ADNP: variants seen among roughly 807,000 people sequenced by gnomAD.
The protein encoded by ADNP is activity-dependent neuroprotector homeobox protein.
In ADNP, 4 loss-of-function variants were observed where a neutral mutation model predicts 84.9. The observed-to-expected ratio is 0.05, with a 90% CI of 0.02 to 0.11. The LOEUF (loss-of-function observed/expected upper bound fraction) is 0.11. Among genes scored for constraint, ADNP ranks in the 10% least tolerant of loss-of-function variants. The pLI, the probability that ADNP is intolerant of heterozygous loss-of-function variation, is 1.00. For synonymous variants in ADNP, 554 were observed against 468.1 expected, an observed-to-expected ratio of 1.18 and a Z score of -2.37; for missense variants, 1,132 against 1,326.0, an observed-to-expected ratio of 0.85 and a Z score of 2.27.
At chr20:50,909,137 G>A (rs959496982) in intron 2 of ADNP, among the ~76,000 whole-genome samples, 39 of 151,144 alleles carry the variant, frequency 2.6e-4, no homozygotes, top group African/African-American at 8.0e-4. Context: ...TTGGGAGGCC[G>A]AGGCGGGCGG....
chr20:50,902,640 A>C (rs1391810895), intron 4 of ADNP, among the ~76,000 whole-genome samples: 1 of 152,346 alleles, frequency 6.6e-6, no homozygotes, highest in Non-Finnish European at 1.5e-5. Context: ...TTATACTCTC[A>C]TGTAAAAATT....
intron 5 of ADNP, 94 bp downstream of exon 5, chr20:50,901,923 G>A: frequency 2.1e-6 from 2 of 930,548 alleles, no homozygotes; most frequent in Non-Finnish European, 1.7e-6. Flanking sequence ...TTTGGCACTT[G>A]CCCGCAATCA....
chr20:50,896,326 A>G (rs1034921517), intron 5 of ADNP, among the ~76,000 whole-genome samples: 1 of 151,372 alleles, frequency 6.6e-6, no homozygotes, highest in Non-Finnish European at 1.5e-5. Context: ...AATTTGTTTT[A>G]AAAAAAAACT....
At chr20:50,901,937 C>T in intron 5 of ADNP, 80 bp downstream of exon 5, 3 of 1,054,074 alleles carry the variant, frequency 2.8e-6, no homozygotes, top group East Asian at 2.4e-5. Context: ...GCAATCACTG[C>T]ACCGCTATAA....
chr20:50,891,636 C>T lies in ADNP; in HGVS notation c.3078G>A (p.Leu1026=), dbSNP rs1374208490. The change falls in exon 6 of 6, where the codon TTG becomes TTA. Residue 1026 remains leucine, a synonymous_variant. Transcript: ENST00000621696. ...KATMQGDREQ[L]KWKNSSYGKV... ...TTCCATAGGAACTATTCTTCCATTTCAACTGCTCTCTGTCACCTTGCATGG... is the reference window on the plus strand; with the variant it reads ...TTCCATAGGAACTATTCTTCCATTTTAACTGCTCTCTGTCACCTTGCATGG... 6.2e-7 allele frequency: 1 copy of T among 1,614,204 alleles called. No homozygotes were observed.
chr20:50,899,893 G>A (rs1388280016), intron 5 of ADNP, among the ~76,000 whole-genome samples: 14 of 143,992 alleles, frequency 9.7e-5, no homozygotes, highest in South Asian at 2.2e-4. Flanking sequence ...TTTTTGGAGC[G>A]GTAGCAAGAT....
Position 50,891,549 on chromosome 20 carries a change from C to G in ADNP, c.3165G>C (p.Glu1055Asp). ...SQWKNASEND[E>D]RLSNPQIEWQ... The stretch of plus-strand genomic sequence containing the variant: ...ACTCAATCTGGGGGTTAGATAAGCG[C>G]TCATCATTCTCAGATGCATTCTTCC... The change falls in exon 6 of 6, where the codon GAG (glutamate) becomes GAC (aspartate). Residue 1055 changes from glutamate to aspartate, a missense_variant. Around this residue, in one of 10 missense-constraint regions of ADNP, gnomAD observed 381 missense variants for 319.9 expected, o/e 1.19. Transcript: ENST00000621696. The G allele has an allele frequency of 1.2e-6, 2 of 1,612,158 alleles. No homozygotes were observed. Among genetic ancestry groups the G allele is most frequent in the Non-Finnish European group, 8.5e-7 (1 of 1,180,040 alleles).
intron 2 of ADNP, chr20:50,909,671 C>T (rs1489218145): frequency 6.6e-6 from 1 of 152,248 alleles, no homozygotes; most frequent in Non-Finnish European, 1.5e-5. Context: ...GGTTTAGACA[C>T]CTGTTTTTGC....
chr20:50,891,032 G>A lies in ADNP; in HGVS notation c.*373C>T, dbSNP rs1293812178. 1.9e-6 allele frequency: 2 copies of A among 1,037,748 alleles called. No homozygotes were observed. The highest frequency in any genetic ancestry group is 8.5e-5 in the East Asian group (1 of 11,776). 64.3% of individuals were successfully genotyped at this position (1,037,748 alleles called of 1,614,324 possible). A position where few individuals can be genotyped will look rare whatever the true frequency, so the allele number is the denominator to read the frequency against. Reference sequence around the variant, plus strand: ...ACTATACACATTAGACTGGTAGCTTGTATGTTGGCCCTACACTACCATGTG... The same window carrying A: ...ACTATACACATTAGACTGGTAGCTTATATGTTGGCCCTACACTACCATGTG... On this transcript the variant is annotated 3_prime_UTR_variant, in exon 6 of 6. Coordinates refer to ENST00000621696, the MANE Select transcript of ADNP (RefSeq NM_001282531.3).
intron 2 of ADNP, among the ~76,000 whole-genome samples, chr20:50,916,481 T>C (rs1165195267): frequency 1.3e-5 from 2 of 152,162 alleles, no homozygotes; most frequent in Admixed American, 6.5e-5. Flanking sequence ...CCAGGATCAG[T>C]TCTTCTCACC....
At chr20:50,908,782 G>GAA (rs892325248) in intron 2 of ADNP, among the ~76,000 whole-genome samples, 2 of 148,966 alleles carry the variant, frequency 1.3e-5, no homozygotes, top group Non-Finnish European at 3.0e-5. Context: ...TGCAAAAAAA[G>GAA]AAAAAAAAAG....
chr20:50,919,654 TCA>T (rs149531289), intron 2 of ADNP, among the ~76,000 whole-genome samples: 5,398 of 152,222 alleles, frequency 0.035, 217 homozygotes, highest in African/African-American at 0.085. Flanking sequence ...CATGTTTAGT[TCA>T]TTCTCAGCAG....
chr20:50,911,421 C>A (rs1868313189), intron 2 of ADNP, among the ~76,000 whole-genome samples: 1 of 152,114 alleles, frequency 6.6e-6, no homozygotes, highest in Non-Finnish European at 1.5e-5. Flanking sequence ...CTATGGCAAT[C>A]CAATTTTCCT....
At chr20:50,919,274 A>G (rs1052025822) in intron 2 of ADNP, among the ~76,000 whole-genome samples, 3 of 112,632 alleles carry the variant, frequency 2.7e-5, no homozygotes, top group Admixed American at 2.6e-4. Context: ...AGCCTGAAAA[A>G]ATACATATAT....
intron 2 of ADNP, among the ~76,000 whole-genome samples, chr20:50,906,232 A>G (rs553687606): frequency 1.1e-3 from 169 of 152,242 alleles, no homozygotes; most frequent in Admixed American, 3.3e-3. Context: ...CAAAAAACAC[A>G]TACAGTTACT....
intron 5 of ADNP, among the ~76,000 whole-genome samples, chr20:50,900,746 G>C (rs141450198): frequency 4.6e-5 from 7 of 152,174 alleles, no homozygotes; most frequent in Admixed American, 4.6e-4. Context: ...TCCTCATTAT[G>C]GATAAATTTT....
At chr20:50,921,831 T>G (rs1258392413) in intron 2 of ADNP, among the ~76,000 whole-genome samples, 1 of 152,218 alleles carries the variant, frequency 6.6e-6, no homozygotes, top group Non-Finnish European at 1.5e-5. Flanking sequence ...GATGCCTCGG[T>G]ACTTAAACAA....
rs781522818 is a variant in ADNP at position 50,893,636 on chromosome 20, G to C, written c.1078C>G (p.Pro360Ala). ...TGCTTTACAGACTGAGATTGTTGAG[G>C]AATGGAAACTGGTGCGTTGCCACCT... ...GLGGNAPVSI[P>A]QQSQSVKQLL... The change falls in exon 6 of 6, where the codon CCT becomes GCT. Residue 360 changes from proline to alanine, a missense_variant. Pro to Ala is a conservative substitution (Grantham distance 27). Around this residue, in one of 10 missense-constraint regions of ADNP, gnomAD observed 239 missense variants for 213.2 expected, o/e 1.12. Transcript: ENST00000621696. This position sits in a 1 kb window ranked among gnomAD's most constrained non-coding sequence, Gnocchi z 4.4. 1 of 1,614,164 alleles carries C rather than the reference G, an allele frequency of 6.2e-7. No homozygotes were observed. The highest frequency in any genetic ancestry group is 1.1e-5 in the South Asian group (1 of 91,076).
rs1156462934 is a variant in ADNP at position 50,893,067 on chromosome 20, A to C, written c.1647T>G (p.Ser549Arg). ...TACCCTGCTGCAATGTCAAATCAAA[A>C]CTCAAAGTAGAATCTGTTTTAGGTC... ...EMGPKTDSTL[S>R]FDLTLQQGSH... is the part of the protein sequence containing the mutation. Residue 549 changes from serine to arginine, a missense_variant, in exon 6 of 6, where the codon AGT (serine) becomes AGG (arginine). This residue lies in a region of ADNP where 87 missense variants were observed against 181.4 expected (regional missense o/e 0.48). Transcript: ENST00000621696. The surrounding 1 kb of genome is among the most constrained non-coding windows in gnomAD (Gnocchi z 4.4). 1 of 1,614,020 alleles carries C rather than the reference A, an allele frequency of 6.2e-7. No individual in the cohort carries two copies. Among genetic ancestry groups the C allele is most frequent in the Non-Finnish European group, 8.5e-7 (1 of 1,180,038 alleles).
Sources: allele counts gnomAD v4.1 joint callset (sites outside exome capture counted in the v4.1 genomes callset), GRCh38; gene constraint gnomAD v4.1.1; regional missense constraint gnomAD v4.1.1; non-coding constraint Gnocchi (gnomAD v3.1); transcripts MANE v1.5; gene names NCBI Gene and HGNC (gene_info 2026-07-23, HGNC 2026-07-21).